The following ARHGEF33 variants were observed in gnomAD, a reference collection of about 807,000 sequenced individuals.
ARHGEF33 encodes Rho guanine nucleotide exchange factor 33, also known as DH and coiled-coil domain-containing protein ENSP00000381780.
In ARHGEF33, 72 loss-of-function variants were observed where a neutral mutation model predicts 101.9. The observed-to-expected ratio is 0.71, with a 90% CI of 0.58 to 0.86. ARHGEF33 has a LOEUF of 0.86. ARHGEF33 is among the 40% of genes least tolerant of loss of function. The pLI is 0.00. For synonymous variants in ARHGEF33, 499 were observed against 442.5 expected (o/e 1.13, Z -1.60); for missense variants, 1,169 against 1,111.3 (o/e 1.05, Z -0.74).
At chr2:38,937,937 T>A (rs1186591839) in intron 9 of ARHGEF33, among the ~76,000 whole-genome samples, 2 of 152,188 alleles carry the variant, frequency 1.3e-5, no homozygotes, top group South Asian at 2.1e-4. Context: ...CTGTCCTCCC[T>A]CCTTTTTCCC....
chr2:38,924,947 C>T (rs2124994947), intron 4 of ARHGEF33, among the ~76,000 whole-genome samples: 1 of 152,148 alleles, frequency 6.6e-6, no homozygotes, highest in South Asian at 2.1e-4. Flanking sequence ...ACATAAATTT[C>T]CAACAAAAGA....
At position 38,966,215 on chromosome 2, in the gene ARHGEF33, A is replaced by C. The variant is rs564360224; in HGVS notation, c.2483+70A>C. The C allele has an allele frequency of 4.6e-6, 7 of 1,506,982 alleles. No individual in the cohort carries two copies. In the East Asian group the frequency reaches 1.5e-4, roughly 32 times the overall value. 93.4% of individuals were successfully genotyped at this position (1,506,982 alleles called of 1,614,324 possible). ...TGGGCTAAATCTTGAGGTTTTAACA[A>C]TAATAAGTATCAAGTAGCCTGGTCT... On this transcript the variant is annotated intron_variant, in intron 17 of 17. Coordinates refer to ENST00000409978, the MANE Select transcript of ARHGEF33 (RefSeq NM_001145451.5).
chr2:38,937,456 G>C lies in ARHGEF33; in HGVS notation c.687G>C (p.Trp229Cys). 1 of 1,550,298 alleles carries C rather than the reference G, an allele frequency of 6.5e-7. No homozygotes were observed. The highest frequency in any genetic ancestry group is 2.4e-5 in the East Asian group (1 of 40,880). Reference sequence around the variant, plus strand: ...GGCAGCCTAAGGATGGTAAAGAATGGGGTGAAGAATACGTCACAAAAGACC... The same window carrying C: ...GGCAGCCTAAGGATGGTAAAGAATGCGGTGAAGAATACGTCACAAAAGACC... ...MWRQPKDGKE[W>C]GEEYVTKDHP... The change falls in exon 9 of 18, where the codon TGG becomes TGC. Residue 229 changes from tryptophan to cysteine, a missense_variant. By Grantham distance (215) the Trp-to-Cys change is radical. Transcript: ENST00000409978.
intron 10 of ARHGEF33, among the ~76,000 whole-genome samples, chr2:38,950,758 C>T (rs1667579488): frequency 1.3e-5 from 2 of 152,134 alleles, no homozygotes; most frequent in South Asian, 2.1e-4. Context: ...GTTCAATACA[C>T]ATTTGTATAG....
At chr2:38,961,493 G>C (rs1184113485) in intron 16 of ARHGEF33, among the ~76,000 whole-genome samples, 1 of 152,188 alleles carries the variant, frequency 6.6e-6, no homozygotes, top group Non-Finnish European at 1.5e-5. Context: ...TAATTGCTCT[G>C]ATCTGATTAA....
intron 2 of ARHGEF33, among the ~76,000 whole-genome samples, chr2:38,917,099 C>CTTTTTTTTTTTTT (rs1558426821): frequency 5.0e-5 from 2 of 40,192 alleles, no homozygotes; most frequent in African/African-American, 1.8e-4. Context: ...TGCAACCGGT[C>CTTTTTTTTTTTTT]TTCTTTTTTT....
intron 7 of ARHGEF33, among the ~76,000 whole-genome samples, chr2:38,931,758 T>C (rs984432700): frequency 1.3e-5 from 2 of 152,230 alleles, no homozygotes; most frequent in East Asian, 3.8e-4. Flanking sequence ...GTTTTGGTTA[T>C]TAACTTACAT....
chr2:38,957,256 C>G (rs1400693502), intron 14 of ARHGEF33, among the ~76,000 whole-genome samples: 1 of 152,204 alleles, frequency 6.6e-6, no homozygotes, highest in East Asian at 1.9e-4. Flanking sequence ...AAAAACACTT[C>G]ACTCTACTGC....
intron 17 of ARHGEF33, chr2:38,969,260 A>T (rs1444008363): frequency 6.1e-6 from 1 of 164,272 alleles, no homozygotes; most frequent in Non-Finnish European, 1.5e-5. Flanking sequence ...GAGTACTGGA[A>T]CCATTGCAGA....
chr2:38,915,746 A>G (rs1055996019), intron 2 of ARHGEF33, among the ~76,000 whole-genome samples: 19 of 152,112 alleles, frequency 1.2e-4, no homozygotes, highest in East Asian at 3.9e-4. Flanking sequence ...CGTGTTTATT[A>G]TGTCTCATGG....
Position 38,889,929 on chromosome 2 carries a change from T to C in ARHGEF33, c.-216T>C. On this transcript the variant is annotated 5_prime_UTR_variant, in exon 1 of 18. Coordinates refer to ENST00000409978, the MANE Select transcript of ARHGEF33 (RefSeq NM_001145451.5). ...CTTCTTTTTATAACCTTTAAGTTAA[T>C]TCAGAACCCAGATAAGCCTTGATCT... 1 of 471,056 alleles carries C rather than the reference T, an allele frequency of 2.1e-6. No homozygotes were observed. Among genetic ancestry groups the C allele is most frequent in the Middle Eastern group, 3.2e-4 (1 of 3,078 alleles). The allele number at this position is 471,056 out of a possible 1,614,324, so 29.2% of individuals were successfully genotyped here.
chr2:38,960,581 C>T lies in ARHGEF33; in HGVS notation c.2276C>T (p.Ala759Val), dbSNP rs755182408. The change falls in exon 16 of 18, where the codon GCA (alanine) becomes GTA (valine). Residue 759 changes from alanine to valine, a missense_variant. Coordinates refer to ENST00000409978, the MANE Select transcript of ARHGEF33 (RefSeq NM_001145451.5). ...PAAAAVAARG[A>V]SRTFFPQQRS... ...GCCGCCGCCGTCGCCGCCCGCGGCG[C>T]ATCCAGGACCTTCTTCCCCCAACAG... 357 of 1,319,426 alleles carry T rather than the reference C, an allele frequency of 2.7e-4. 1 individual carries two copies. In the African/African-American group the frequency reaches 4.7e-3, roughly 17 times the overall value. 81.7% of individuals were successfully genotyped at this position (1,319,426 alleles called of 1,614,324 possible).
intron 2 of ARHGEF33, among the ~76,000 whole-genome samples, chr2:38,912,575 G>T (rs934675058): frequency 2.0e-5 from 3 of 152,032 alleles, no homozygotes; most frequent in Non-Finnish European, 4.4e-5. Context: ...TGAAGAAAAA[G>T]GACTCTGTTC....
At position 38,901,983 on chromosome 2, in the gene ARHGEF33, C is replaced by A. The variant is rs1048405900; in HGVS notation, c.-86+6134C>A. On this transcript the variant is annotated intron_variant, in intron 2 of 17. Coordinates refer to ENST00000409978, the MANE Select transcript of ARHGEF33 (RefSeq NM_001145451.5). ...ACAAAAAATTAGCTGGGCGTGTTGG[C>A]GGGCGCCTGTAGTCCCAGCTACTCG... 2.6e-5 allele frequency among the ~76,000 whole-genome samples: 4 copies of A among 152,034 alleles called. No homozygotes were observed. In the East Asian group the frequency reaches 7.7e-4, roughly 29 times the overall value.
rs1307548214 is a variant in ARHGEF33, at chr2:38,902,945, C to G, written c.-86+7096C>G. Among the ~76,000 whole-genome samples the G allele has an allele frequency of 3.9e-5, 6 of 152,202 alleles. No individual in the cohort carries two copies. In the East Asian group the frequency reaches 9.7e-4, roughly 24 times the overall value. ...CCTTTCTAATAAAGTGACATTCAAG[C>G]AGAGACCTTAGATCTTTTTTATCCT... On this transcript the variant is annotated intron_variant, in intron 2 of 17. Coordinates refer to ENST00000409978, the MANE Select transcript of ARHGEF33 (RefSeq NM_001145451.5).
rs75263272 is a variant in ARHGEF33, at chr2:38,957,443, T to C, written c.1370+396T>C. On this transcript the variant is annotated intron_variant, in intron 14 of 17. Transcript: ENST00000409978. ...CAGGCACTGTTCCATGCACTGAATA[T>C]AGTGAAAGGAACAAAATGGCCCCAA... is the stretch of plus-strand genomic sequence containing the variant. Among the ~76,000 whole-genome samples the C allele has an allele frequency of 5.8e-3, 883 of 152,320 alleles. 9 individuals carry two copies. The highest frequency in any genetic ancestry group is 0.02 in the African/African-American group (838 of 41,560).
At chr2:38,927,097 T>G (rs766218708) in intron 4 of ARHGEF33, among the ~76,000 whole-genome samples, 2 of 152,210 alleles carry the variant, frequency 1.3e-5, no homozygotes, top group African/African-American at 2.4e-5. Context: ...AAAAATAGAT[T>G]GCTTATGATG....
intron 2 of ARHGEF33, among the ~76,000 whole-genome samples, chr2:38,917,138 C>T (rs1193513733): frequency 7.0e-6 from 1 of 142,250 alleles, no homozygotes; most frequent in East Asian, 2.1e-4. Context: ...GTCACCTAGG[C>T]TGGAGTGTAG....
intron 9 of ARHGEF33, among the ~76,000 whole-genome samples, chr2:38,941,581 A>C (rs1572762524): frequency 6.8e-6 from 1 of 147,384 alleles, no homozygotes; most frequent in Non-Finnish European, 1.5e-5. Context: ...GGAGTCTTGC[A>C]CTGTCACCCA....
Sources: allele counts gnomAD v4.1 joint callset (sites outside exome capture counted in the v4.1 genomes callset), GRCh38; gene constraint gnomAD v4.1.1; transcripts MANE v1.5; gene names NCBI Gene and HGNC (gene_info 2026-07-23, HGNC 2026-07-21).